The following RIN3 variants were observed in gnomAD, a reference collection of about 807,000 sequenced individuals.
RIN3 encodes the protein RAB5 interacting protein 3.
Under a neutral mutation model 76.3 loss-of-function variants are expected in RIN3, and 54 were observed. The ratio of observed to expected loss-of-function variants is 0.71; its 90% CI spans 0.57 to 0.89. The LOEUF (loss-of-function observed/expected upper bound fraction) is 0.89. RIN3 is among the 40% of genes least tolerant of loss of function. The pLI, the probability that RIN3 is intolerant of heterozygous loss-of-function variation, is 0.00. For missense variants in RIN3, 1,256 were observed against 1,322.1 expected, an observed-to-expected ratio of 0.95 and a Z score of 0.78; for synonymous variants, 576 against 564.0, an observed-to-expected ratio of 1.02 and a Z score of -0.30.
intron 4 of RIN3, among the ~76,000 whole-genome samples, chr14:92,617,467 C>T (rs1018730666): frequency 5.9e-5 from 9 of 152,108 alleles, no homozygotes; most frequent in Admixed American, 1.3e-4. Flanking sequence ...TCATAGGTTA[C>T]GGTGTCCTCA....
At chr14:92,579,188 T>C (rs1483842742) in intron 3 of RIN3, among the ~76,000 whole-genome samples, 3 of 152,102 alleles carry the variant, frequency 2.0e-5, no homozygotes, top group Non-Finnish European at 1.5e-5. Context: ...TCAGCCTCCC[T>C]AAGTGCTGGG....
Position 92,687,909 on chromosome 14 carries a change from C to T in RIN3, c.2632-17C>T, listed in dbSNP as rs1374072743. On this transcript the variant is annotated splice_polypyrimidine_tract_variant and intron_variant, in intron 9 of 9. Transcript: ENST00000216487. ...ACAGGGCCCCGCCGTGACCACAGGCCCCTCGCGTCTCCGCAGGACTTCATC... is the reference window on the plus strand; with the variant it reads ...ACAGGGCCCCGCCGTGACCACAGGCTCCTCGCGTCTCCGCAGGACTTCATC... 1.3e-6 allele frequency: 2 copies of T among 1,529,944 alleles called. No homozygotes were observed. The highest frequency in any genetic ancestry group is 2.8e-5 in the African/African-American group (2 of 71,042). 94.8% of individuals were successfully genotyped at this position (1,529,944 alleles called of 1,614,324 possible).
intron 3 of RIN3, among the ~76,000 whole-genome samples, chr14:92,587,426 C>T (rs376127542): frequency 2.6e-5 from 4 of 152,214 alleles, no homozygotes; most frequent in South Asian, 2.1e-4. Flanking sequence ...CTCTAGGAAA[C>T]GGGAACATAG....
At chr14:92,537,106 A>G (rs4374096) in intron 1 of RIN3, among the ~76,000 whole-genome samples, 114,287 of 152,040 alleles carry the variant, frequency 0.75, 43,536 homozygotes, top group African/African-American at 0.86. Flanking sequence ...AGCTTCCTGC[A>G]TCTTCTTCCA....
chr14:92,651,084 T>C (rs942064), intron 5 of RIN3: 111,931 of 153,842 alleles, frequency 0.73, 41,728 homozygotes, highest in African/African-American at 0.88. Context: ...TTCCTCCTCG[T>C]GTGCCTGTGA....
At chr14:92,665,472 G>A (rs1041030619) in intron 7 of RIN3, among the ~76,000 whole-genome samples, 2 of 148,654 alleles carry the variant, frequency 1.3e-5, no homozygotes, top group South Asian at 2.2e-4. Context: ...TCCTCCTCCC[G>A]GGGTCACGTT....
chr14:92,663,931 G>A (rs551535728), intron 7 of RIN3, among the ~76,000 whole-genome samples: 2 of 152,272 alleles, frequency 1.3e-5, no homozygotes, highest in East Asian at 3.9e-4. Flanking sequence ...CCTGAGCCTC[G>A]GTTTTCCCAC....
intron 1 of RIN3, among the ~76,000 whole-genome samples, chr14:92,527,590 A>G (rs1896774868): frequency 6.6e-6 from 1 of 152,156 alleles, no homozygotes; most frequent in Non-Finnish European, 1.5e-5. Flanking sequence ...TGACAAACAG[A>G]CAGCCATGCA....
At chr14:92,597,347 T>C (rs1322902838) in intron 3 of RIN3, among the ~76,000 whole-genome samples, 1 of 152,180 alleles carries the variant, frequency 6.6e-6, no homozygotes, top group Non-Finnish European at 1.5e-5. Flanking sequence ...TTTGAAATCA[T>C]CAAGCCTGAG....
At chr14:92,635,722 G>A (rs1886750311) in intron 4 of RIN3, among the ~76,000 whole-genome samples, 1 of 151,866 alleles carries the variant, frequency 6.6e-6, no homozygotes, top group Admixed American at 6.6e-5. Context: ...GCATGGTGGT[G>A]CACACCTGTA....
chr14:92,530,812 A>G lies in RIN3; in HGVS notation c.44+16836A>G, dbSNP rs534012368. Among the ~76,000 whole-genome samples the G allele has an allele frequency of 3.3e-5, 5 of 151,998 alleles. No individual in the cohort carries two copies. The South Asian group carries it at 1.0e-3, about 32-fold the overall frequency. ...AAGGGATGCTGCTGGAACCTCTGCA[A>G]CCTTCCAAGCCCCACTGAGGGGATG... is the stretch of plus-strand genomic sequence containing the variant. On this transcript the variant is annotated intron_variant, in intron 1 of 9. Transcript: ENST00000216487.
chr14:92,672,680 G>GTT (rs1566898799), intron 7 of RIN3, among the ~76,000 whole-genome samples: 1 of 152,130 alleles, frequency 6.6e-6, no homozygotes, highest in Non-Finnish European at 1.5e-5. Flanking sequence ...GTGTGTGTGT[G>GTT]TGTGTGTGTA....
intron 4 of RIN3, among the ~76,000 whole-genome samples, chr14:92,631,642 C>T (rs553730262): frequency 1.2e-3 from 189 of 152,100 alleles, no homozygotes; most frequent in African/African-American, 4.3e-3. Flanking sequence ...CACTCTGTCA[C>T]CAGGCTGGAG....
At chr14:92,534,158 A>C (rs1476118623) in intron 1 of RIN3, among the ~76,000 whole-genome samples, 3 of 151,738 alleles carry the variant, frequency 2.0e-5, no homozygotes, top group African/African-American at 7.3e-5. Flanking sequence ...AAATGATTAT[A>C]TCTGATCTGC....
chr14:92,574,924 G>T (rs1291932619), intron 2 of RIN3, among the ~76,000 whole-genome samples: 1 of 152,066 alleles, frequency 6.6e-6, no homozygotes, highest in African/African-American at 2.4e-5. Flanking sequence ...TGAGTTTCAG[G>T]TCTCAGCTCC....
At chr14:92,625,776 G>A (rs1299686606) in intron 4 of RIN3, among the ~76,000 whole-genome samples, 1 of 152,178 alleles carries the variant, frequency 6.6e-6, no homozygotes, top group Non-Finnish European at 1.5e-5. Flanking sequence ...TGGAGTCTCT[G>A]TTTAGAAGCA....
chr14:92,518,131 G>T (rs74075417), intron 1 of RIN3, among the ~76,000 whole-genome samples: 1 of 152,276 alleles, frequency 6.6e-6, no homozygotes, highest in East Asian at 1.9e-4. Context: ...AGCTCACAGA[G>T]ATTCCTCCTT....
At chr14:92,626,189 A>G (rs1475689162) in intron 4 of RIN3, among the ~76,000 whole-genome samples, 2 of 152,108 alleles carry the variant, frequency 1.3e-5, no homozygotes, top group African/African-American at 4.8e-5. Flanking sequence ...AGCAGACTGC[A>G]TTGTTATTAT....
intron 6 of RIN3, among the ~76,000 whole-genome samples, chr14:92,655,179 T>TA (rs199940795): frequency 2.9e-4 from 40 of 136,574 alleles, no homozygotes; most frequent in South Asian, 9.4e-4. Flanking sequence ...AAATAAAAGT[T>TA]AAAAAAAAAA....
Sources: allele counts gnomAD v4.1 joint callset (sites outside exome capture counted in the v4.1 genomes callset), GRCh38; gene constraint gnomAD v4.1.1; transcripts MANE v1.5; gene names NCBI Gene and HGNC (gene_info 2026-07-23, HGNC 2026-07-21).